ASXL3: variants seen among roughly 807,000 people sequenced by gnomAD.
ASXL3 encodes ASXL transcriptional regulator 3, also known as putative Polycomb group protein ASXL3.
A neutral mutation model predicts 170.6 loss-of-function variants in ASXL3; 34 were observed. The ratio of observed to expected loss-of-function variants is 0.20; its 90% CI spans 0.15 to 0.27. The LOEUF (loss-of-function observed/expected upper bound fraction) is 0.27, where lower values mean the gene tolerates loss of function less well. ASXL3 is among the 10% of genes least tolerant of loss of function. The pLI is 1.00. For missense variants in ASXL3, 2,592 were observed against 2,695.3 expected, an observed-to-expected ratio of 0.96 and a Z score of 0.85; for synonymous variants, 1,002 against 989.1, an observed-to-expected ratio of 1.01 and a Z score of -0.24.
intron 4 of ASXL3, 128 bp downstream of exon 4, chr18:33,646,481 T>C: frequency 1.6e-6 from 1 of 607,834 alleles, no homozygotes; most frequent in South Asian, 2.7e-5. Context: ...ACCGCTGAGA[T>C]TTATCATCAA....
chr18:33,668,295 G>A (rs2066289514), intron 5 of ASXL3, among the ~76,000 whole-genome samples: 1 of 151,928 alleles, frequency 6.6e-6, no homozygotes, highest in South Asian at 2.1e-4. Flanking sequence ...AGGGGTGGTG[G>A]TGCACACCTG....
intron 5 of ASXL3, among the ~76,000 whole-genome samples, chr18:33,664,330 A>G (rs1482188163): frequency 6.6e-6 from 1 of 152,174 alleles, no homozygotes; most frequent in Non-Finnish European, 1.5e-5. Context: ...AGTATAGACG[A>G]ATTTTTGATG....
At chr18:33,731,098 C>A (rs1219005261) in intron 8 of ASXL3, among the ~76,000 whole-genome samples, 1 of 152,018 alleles carries the variant, frequency 6.6e-6, no homozygotes, top group African/African-American at 2.4e-5. Context: ...TCCTTTGCTC[C>A]TGAATGATGA....
intron 7 of ASXL3, among the ~76,000 whole-genome samples, chr18:33,673,510 G>A (rs1013895948): frequency 3.3e-5 from 5 of 151,742 alleles, no homozygotes; most frequent in Non-Finnish European, 5.9e-5. Flanking sequence ...AGTAGCTGAG[G>A]CACTGCCACC....
intron 2 of ASXL3, among the ~76,000 whole-genome samples, chr18:33,637,840 T>C (rs556387596): frequency 6.6e-6 from 1 of 152,146 alleles, no homozygotes; most frequent in East Asian, 1.9e-4. Flanking sequence ...TTCCAAATGG[T>C]TTTCTCTTGT....
chr18:33,599,559 C>T (rs867942048), intron 1 of ASXL3, among the ~76,000 whole-genome samples: 1 of 152,042 alleles, frequency 6.6e-6, no homozygotes, highest in Non-Finnish European at 1.5e-5. Context: ...GGAAACCGAG[C>T]AATTGGAAAA....
intron 9 of ASXL3, among the ~76,000 whole-genome samples, chr18:33,732,352 T>C (rs2067464722): frequency 6.6e-6 from 1 of 152,226 alleles, no homozygotes; most frequent in Admixed American, 6.5e-5. Flanking sequence ...TGATCCATTA[T>C]GCATTCTCTT....
chr18:33,642,622 A>C (rs2065862250), intron 2 of ASXL3, among the ~76,000 whole-genome samples: 1 of 151,950 alleles, frequency 6.6e-6, no homozygotes, highest in African/African-American at 2.4e-5. Flanking sequence ...TGTGATTGTG[A>C]ATTACATATT....
At position 33,695,488 on chromosome 18, in the gene ASXL3, T is replaced by C. The variant is rs568187808; in HGVS notation, c.879+11920T>C. Among the ~76,000 whole-genome samples, 29 of 152,254 alleles carry C rather than the reference T, an allele frequency of 1.9e-4. 1 individual carries two copies. The South Asian group carries it at 5.6e-3, about 29-fold the overall frequency. On this transcript the variant is annotated intron_variant, in intron 8 of 11. Coordinates refer to ENST00000269197, the MANE Select transcript of ASXL3 (RefSeq NM_030632.3). ...TTTATTTAATAAGATGGAAATTCTT[T>C]ATGGAGGAAAGTAATTTTACCTATA...
intron 10 of ASXL3, among the ~76,000 whole-genome samples, chr18:33,737,104 G>C (rs1404066736): frequency 2.0e-5 from 3 of 152,044 alleles, no homozygotes; most frequent in African/African-American, 7.2e-5. Context: ...TCTCAGTATA[G>C]TATAGTTATA....
intron 2 of ASXL3, among the ~76,000 whole-genome samples, chr18:33,623,300 G>T (rs1044445224): frequency 1.3e-5 from 2 of 152,146 alleles, no homozygotes; most frequent in Admixed American, 1.3e-4. Context: ...AATTGGTAGA[G>T]TTCACGTCTC....
chr18:33,692,714 G>C (rs2066705514), intron 8 of ASXL3, among the ~76,000 whole-genome samples: 1 of 152,158 alleles, frequency 6.6e-6, no homozygotes, highest in African/African-American at 2.4e-5. Flanking sequence ...CTAGCACATA[G>C]TAGGTGCTCA....
rs2067817420 is a variant in ASXL3 at position 33,747,596 on chromosome 18, CTTGCAGAGG to C, written c.*1005_*1013del. 2.0e-5 allele frequency: 3 copies of C among 152,112 alleles called. No individual in the cohort carries two copies. The South Asian group carries it at 6.2e-4, about 32-fold the overall frequency. 9.4% of individuals were successfully genotyped at this position (152,112 alleles called of 1,614,324 possible). On this transcript the variant is annotated 3_prime_UTR_variant, in exon 12 of 12. Transcript: ENST00000269197. ...ACACCCATTCATTCTGGCTTCAGAC[CTTGCAGAGG>C]TTGGCCATATCTTTTTAAAAGTGTC...
At chr18:33,593,690 C>T (rs1048507135) in intron 1 of ASXL3, among the ~76,000 whole-genome samples, 7 of 152,156 alleles carry the variant, frequency 4.6e-5, no homozygotes, top group African/African-American at 1.4e-4. Context: ...CAATCCTTCT[C>T]ACAAACAGGG....
intron 2 of ASXL3, among the ~76,000 whole-genome samples, chr18:33,610,559 G>A (rs1420128061): frequency 6.6e-6 from 1 of 151,962 alleles, no homozygotes; most frequent in African/African-American, 2.4e-5. Flanking sequence ...GTGCCAGGCA[G>A]GTCTCCGAGA....
intron 8 of ASXL3, among the ~76,000 whole-genome samples, chr18:33,702,135 T>G (rs2145328139): frequency 6.6e-6 from 1 of 152,302 alleles, no homozygotes; most frequent in African/African-American, 2.4e-5. Context: ...GTAAACATGG[T>G]TTACTTTAGA....
Position 33,743,099 on chromosome 18 carries a change from C to T in ASXL3, c.3251C>T (p.Ser1084Phe). 1 of 1,613,724 alleles carries T rather than the reference C, an allele frequency of 6.2e-7. No individual in the cohort carries two copies. The highest frequency in any genetic ancestry group is 8.5e-7 in the Non-Finnish European group (1 of 1,179,808). Residue 1084 changes from serine (S) to phenylalanine (F), a missense_variant, in exon 12 of 12, where the codon TCT becomes TTT. Physicochemically the swap from Ser to Phe is radical, Grantham distance 155. Coordinates refer to ENST00000269197, the MANE Select transcript of ASXL3 (RefSeq NM_030632.3). ...AAVAAAASIV[S>F]GAMGSPGEGG... ...GTGGCTGCTGCAGCGAGCATTGTCTCTGGAGCCATGGGAAGTCCAGGAGAG... is the reference window on the plus strand; with the variant it reads ...GTGGCTGCTGCAGCGAGCATTGTCTTTGGAGCCATGGGAAGTCCAGGAGAG...
intron 8 of ASXL3, among the ~76,000 whole-genome samples, chr18:33,708,249 G>A (rs2066996917): frequency 6.6e-6 from 1 of 152,042 alleles, no homozygotes; most frequent in South Asian, 2.1e-4. Flanking sequence ...AGATCTTTTT[G>A]GGAAAACTTT....
At chr18:33,683,646 A>G (rs531110171) in intron 8 of ASXL3, 78 bp downstream of exon 8, 1 of 1,351,634 alleles carries the variant, frequency 7.4e-7, no homozygotes, top group East Asian at 2.4e-5. Context: ...ATCAAAGATG[A>G]CTTATATATG....
Sources: allele counts gnomAD v4.1 joint callset (sites outside exome capture counted in the v4.1 genomes callset), GRCh38; gene constraint gnomAD v4.1.1; transcripts MANE v1.5; gene names NCBI Gene and HGNC (gene_info 2026-07-23, HGNC 2026-07-21).